The following DOK6 variants were observed in gnomAD, a reference collection of about 807,000 sequenced individuals.
DOK6 encodes the protein downstream of tyrosine kinase 6.
DOK6 carries 22 observed loss-of-function variants against 44.0 expected under a neutral mutation model. The ratio of observed to expected loss-of-function variants is 0.50; its 90% CI spans 0.36 to 0.71. The LOEUF is 0.71. DOK6 is among the 30% of genes least tolerant of loss of function. The pLI is 0.00. For synonymous variants in DOK6, 166 were observed against 145.5 expected (o/e 1.14, Z -1.01); for missense variants, 340 against 416.4 (o/e 0.82, Z 1.60).
chr18:69,407,832 T>C (rs1010058535), intron 1 of DOK6, among the ~76,000 whole-genome samples: 1 of 152,240 alleles, frequency 6.6e-6, no homozygotes, highest in Non-Finnish European at 1.5e-5. Context: ...AATTCTTGGT[T>C]AATTTTTATT....
chr18:69,562,967 C>A (rs921031118), intron 1 of DOK6, among the ~76,000 whole-genome samples: 133 of 152,032 alleles, frequency 8.7e-4, no homozygotes, highest in Middle Eastern at 3.4e-3. Flanking sequence ...AAAAACAAAC[C>A]ACCCCATCAA....
At chr18:69,736,175 C>T (rs1053127427) in intron 5 of DOK6, among the ~76,000 whole-genome samples, 10 of 152,016 alleles carry the variant, frequency 6.6e-5, no homozygotes, top group African/African-American at 2.2e-4. Flanking sequence ...GTTCCCAGGC[C>T]CAAAACAGTG....
intron 2 of DOK6, among the ~76,000 whole-genome samples, chr18:69,589,904 T>A (rs536829383): frequency 6.6e-6 from 1 of 152,220 alleles, no homozygotes; most frequent in Non-Finnish European, 1.5e-5. Context: ...GTAGTAATGG[T>A]GGAACAGGTA....
chr18:69,737,638 C>A (rs1029500864), intron 5 of DOK6, among the ~76,000 whole-genome samples: 5 of 152,128 alleles, frequency 3.3e-5, no homozygotes, highest in Non-Finnish European at 5.9e-5. Flanking sequence ...CCTAAAGTTT[C>A]TTTGCTTTTT....
intron 1 of DOK6, among the ~76,000 whole-genome samples, chr18:69,423,349 C>T (rs1044253337): frequency 6.6e-6 from 1 of 151,972 alleles, no homozygotes; most frequent in East Asian, 1.9e-4. Context: ...AATTGAAGAC[C>T]CATTTGAACC....
chr18:69,558,013 C>T (rs1341743762), intron 1 of DOK6, among the ~76,000 whole-genome samples: 1 of 152,148 alleles, frequency 6.6e-6, no homozygotes, highest in Non-Finnish European at 1.5e-5. Context: ...TAAGGTACTG[C>T]ATTTCATTCA....
chr18:69,658,895 A>G (rs2144669747), intron 3 of DOK6, among the ~76,000 whole-genome samples: 1 of 152,344 alleles, frequency 6.6e-6, no homozygotes, highest in African/African-American at 2.4e-5. Context: ...CATAATAATT[A>G]AACACAATCC....
intron 1 of DOK6, among the ~76,000 whole-genome samples, chr18:69,549,919 A>G (rs1403837884): frequency 6.7e-6 from 1 of 149,090 alleles, no homozygotes; most frequent in East Asian, 1.9e-4. Context: ...GCTAATAGCT[A>G]CTATTTCTTA....
At chr18:69,721,597 TA>T (rs1978288776) in intron 5 of DOK6, among the ~76,000 whole-genome samples, 1 of 152,274 alleles carries the variant, frequency 6.6e-6, no homozygotes, top group Admixed American at 6.5e-5. Context: ...TTAACTGCAA[TA>T]AGCATTTTCC....
chr18:69,475,656 GA>G (rs1472126931), intron 1 of DOK6, among the ~76,000 whole-genome samples: 2 of 152,086 alleles, frequency 1.3e-5, no homozygotes, highest in Non-Finnish European at 1.5e-5. Flanking sequence ...TATGTATCTT[GA>G]AAATTCATTG....
chr18:69,493,284 G>T (rs1048921055), intron 1 of DOK6, among the ~76,000 whole-genome samples: 1 of 152,050 alleles, frequency 6.6e-6, no homozygotes, highest in African/African-American at 2.4e-5. Flanking sequence ...TTTTTTCTAA[G>T]AAGTAAGGGA....
chr18:69,579,692 TA>T (rs1411258677), intron 2 of DOK6, among the ~76,000 whole-genome samples: 1 of 151,952 alleles, frequency 6.6e-6, no homozygotes, highest in East Asian at 1.9e-4. Flanking sequence ...GCCTCCCGAG[TA>T]GCTGGAATTA....
chr18:69,667,958 T>C (rs1469609168), intron 3 of DOK6, among the ~76,000 whole-genome samples: 2 of 152,324 alleles, frequency 1.3e-5, no homozygotes, highest in African/African-American at 4.8e-5. Flanking sequence ...CTTCAATAAC[T>C]AATAAGAATC....
intron 7 of DOK6, among the ~76,000 whole-genome samples, chr18:69,765,953 G>T (rs1283328857): frequency 6.6e-6 from 1 of 152,042 alleles, no homozygotes; most frequent in Non-Finnish European, 1.5e-5. Flanking sequence ...GGGGGTTGAG[G>T]TGCCTACCCC....
Position 69,779,689 on chromosome 18 carries a change from CGTGTGTGT to C in DOK6, c.856+21840_856+21847del, listed in dbSNP as rs58775349. ...AACAATAGGAGAGGTCTCTCTGCCC[CGTGTGTGT>C]GTGTGTGTGTGTGTGTGTGTGTGCA... On this transcript the variant is annotated intron_variant, in intron 7 of 7. Transcript: ENST00000382713. 6.8e-5 allele frequency among the ~76,000 whole-genome samples: 10 copies of C among 146,762 alleles called. No individual in the cohort carries two copies. The East Asian group carries it at 8.2e-4, about 12-fold the overall frequency.
intron 7 of DOK6, among the ~76,000 whole-genome samples, chr18:69,836,488 G>GT (rs56067551): frequency 0.014 from 2,107 of 148,578 alleles, 30 homozygotes; most frequent in African/African-American, 0.035. Flanking sequence ...AATGTGATAT[G>GT]TTTTTTTTTT....
chr18:69,830,917 C>T (rs1440088039), intron 7 of DOK6, among the ~76,000 whole-genome samples: 1 of 152,120 alleles, frequency 6.6e-6, no homozygotes, highest in African/African-American at 2.4e-5. Context: ...TTGTTAAATA[C>T]CTCTGAGCTT....
intron 7 of DOK6, among the ~76,000 whole-genome samples, chr18:69,826,880 A>G (rs1331814565): frequency 1.3e-5 from 2 of 152,166 alleles, no homozygotes; most frequent in Non-Finnish European, 2.9e-5. Context: ...TCCCATTCTT[A>G]TATAGATCTG....
intron 3 of DOK6, among the ~76,000 whole-genome samples, chr18:69,656,644 G>C (rs1349818908): frequency 6.6e-6 from 1 of 152,088 alleles, no homozygotes; most frequent in Non-Finnish European, 1.5e-5. Flanking sequence ...ACTATTTTAA[G>C]AATTTAAAAA....
Sources: allele counts gnomAD v4.1 joint callset (sites outside exome capture counted in the v4.1 genomes callset), GRCh38; gene constraint gnomAD v4.1.1; transcripts MANE v1.5; gene names NCBI Gene and HGNC (gene_info 2026-07-23, HGNC 2026-07-21).